Variants in GRID1 observed in about 807,000 individuals in gnomAD.
The protein encoded by GRID1 is glutamate ionotropic receptor delta type subunit 1.
A neutral mutation model predicts 98.0 loss-of-function variants in GRID1; 28 were observed. That is an observed-to-expected ratio of 0.29 (90% CI 0.21 to 0.39). The LOEUF is 0.39. GRID1 is among the 10% of genes least tolerant of loss of function. GRID1 has a pLI of 1.00. For missense variants in GRID1, 1,111 were observed against 1,340.5 expected, an observed-to-expected ratio of 0.83 and a Z score of 2.67; for synonymous variants, 553 against 538.5, an observed-to-expected ratio of 1.03 and a Z score of -0.37.
chr10:85,796,442 TACCCTAGAAACA>T (rs1461891119), intron 8 of GRID1, among the ~76,000 whole-genome samples: 2 of 152,214 alleles, frequency 1.3e-5, no homozygotes, highest in African/African-American at 4.8e-5. Flanking sequence ...TTCCATTTTA[TACCCTAGAAACA>T]ACAACAGAAA....
chr10:86,130,082 C>A (rs1844811818), intron 4 of GRID1, among the ~76,000 whole-genome samples: 1 of 152,262 alleles, frequency 6.6e-6, no homozygotes, highest in African/African-American at 2.4e-5. Flanking sequence ...TCCTCACCAG[C>A]CAGCCCAGAT....
At chr10:85,746,898 A>G (rs1309905235) in intron 8 of GRID1, among the ~76,000 whole-genome samples, 1 of 152,224 alleles carries the variant, frequency 6.6e-6, no homozygotes, top group Non-Finnish European at 1.5e-5. Context: ...ATCAATAATA[A>G]CAGTTTCTCA....
chr10:85,917,808 C>T (rs1841641996), intron 4 of GRID1, among the ~76,000 whole-genome samples: 1 of 152,242 alleles, frequency 6.6e-6, no homozygotes, highest in Admixed American at 6.5e-5. Context: ...CTTTCCTCCC[C>T]TTTCTACAAA....
intron 8 of GRID1, among the ~76,000 whole-genome samples, chr10:85,809,358 G>A (rs954481121): frequency 2.0e-5 from 3 of 152,070 alleles, no homozygotes; most frequent in Non-Finnish European, 4.4e-5. Flanking sequence ...AATAACTTCA[G>A]TAGGATAAAA....
At chr10:85,771,611 T>G (rs938448590) in intron 8 of GRID1, among the ~76,000 whole-genome samples, 1 of 151,856 alleles carries the variant, frequency 6.6e-6, no homozygotes, top group African/African-American at 2.4e-5. Flanking sequence ...AGGCTCAAAA[T>G]AAAAGGATAG....
intron 8 of GRID1, among the ~76,000 whole-genome samples, chr10:85,732,436 G>C (rs1240878037): frequency 6.6e-6 from 1 of 152,190 alleles, no homozygotes; most frequent in African/African-American, 2.4e-5. Flanking sequence ...GCTTGGATGA[G>C]TGTTTGGAAT....
At chr10:85,850,195 T>G (rs928298757) in intron 8 of GRID1, among the ~76,000 whole-genome samples, 8 of 152,126 alleles carry the variant, frequency 5.3e-5, no homozygotes, top group Non-Finnish European at 8.8e-5. Context: ...GACCCGGAGA[T>G]AGTGGAAGAG....
At chr10:86,078,260 G>C (rs1843913500) in intron 4 of GRID1, among the ~76,000 whole-genome samples, 1 of 152,272 alleles carries the variant, frequency 6.6e-6, no homozygotes, top group African/African-American at 2.4e-5. Flanking sequence ...GCAAAGCCCT[G>C]GAACGATTTT....
intron 8 of GRID1, among the ~76,000 whole-genome samples, chr10:85,735,548 G>T (rs1841870241): frequency 6.6e-6 from 1 of 152,126 alleles, no homozygotes; most frequent in African/African-American, 2.4e-5. Context: ...GTGGGCATTT[G>T]GGACTCTGTG....
At chr10:85,936,741 A>G (rs78922420) in intron 4 of GRID1, among the ~76,000 whole-genome samples, 4,645 of 152,270 alleles carry the variant, frequency 0.031, 96 homozygotes, top group Middle Eastern at 0.054. Flanking sequence ...ATTTTGACAG[A>G]AAAAGTGGAC....
At chr10:85,717,586 G>A (rs1433412128) in intron 12 of GRID1, among the ~76,000 whole-genome samples, 2 of 152,202 alleles carry the variant, frequency 1.3e-5, no homozygotes. Context: ...TTCAAGCTGA[G>A]ATTTGGATGG....
chr10:85,857,481 TGTTCTCGGATG>T (rs1312285254), intron 6 of GRID1, among the ~76,000 whole-genome samples: 3 of 152,026 alleles, frequency 2.0e-5, no homozygotes, highest in African/African-American at 7.2e-5. Context: ...AGGACAGCTC[TGTTCTCGGATG>T]TCACCTTCAC....
At chr10:85,960,366 G>A (rs1377675127) in intron 4 of GRID1, among the ~76,000 whole-genome samples, 1 of 152,224 alleles carries the variant, frequency 6.6e-6, no homozygotes, top group Non-Finnish European at 1.5e-5. Flanking sequence ...CAGACAGGTG[G>A]CGAAGTGTTC....
In GRID1 at chr10:85,640,343, G is replaced by A. The variant is rs566253391; in HGVS notation, c.2193+6859C>T. 4.6e-5 allele frequency among the ~76,000 whole-genome samples: 7 copies of A among 152,344 alleles called. No individual in the cohort carries two copies. The South Asian group carries it at 1.5e-3, about 32-fold the overall frequency. On this transcript the variant is annotated intron_variant, in intron 13 of 15. Transcript: ENST00000327946. ...CTCACGTGGAAGCAGAGAAAGAACA[G>A]AATTTCTTGGATCATGGCTACAAGG...
chr10:85,980,093 G>A (rs1006495294), intron 4 of GRID1, among the ~76,000 whole-genome samples: 2 of 152,186 alleles, frequency 1.3e-5, no homozygotes, highest in Admixed American at 6.5e-5. Flanking sequence ...TATTGGATTG[G>A]TTCCTGGAAC....
At chr10:85,652,137 C>A (rs1241835694) in intron 12 of GRID1, among the ~76,000 whole-genome samples, 1 of 152,296 alleles carries the variant, frequency 6.6e-6, no homozygotes, top group Non-Finnish European at 1.5e-5. Context: ...CTAGGGAAGA[C>A]CCACCATGCA....
intron 2 of GRID1, among the ~76,000 whole-genome samples, chr10:86,324,982 CA>C (rs1848027336): frequency 6.6e-6 from 1 of 151,664 alleles, no homozygotes. Context: ...AGGGAGAGTT[CA>C]TTTTGATAAA....
chr10:85,609,875 G>A (rs2132510073), intron 15 of GRID1, among the ~76,000 whole-genome samples: 1 of 152,272 alleles, frequency 6.6e-6, no homozygotes, highest in Admixed American at 6.5e-5. Flanking sequence ...TCTAGCGAGT[G>A]GCTCTTTACT....
chr10:86,222,205 G>A (rs1846266813), intron 2 of GRID1, among the ~76,000 whole-genome samples: 1 of 152,224 alleles, frequency 6.6e-6, no homozygotes, highest in Admixed American at 6.5e-5. Flanking sequence ...TTGGCGATGT[G>A]AGCCCTCTTG....
Sources: allele counts gnomAD v4.1 joint callset (sites outside exome capture counted in the v4.1 genomes callset), GRCh38; gene constraint gnomAD v4.1.1; transcripts MANE v1.5; gene names NCBI Gene and HGNC (gene_info 2026-07-23, HGNC 2026-07-21).